ZFPM2: variants seen among roughly 807,000 people sequenced by gnomAD.
The protein encoded by ZFPM2 is zinc finger protein, FOG family member 2.
A neutral mutation model predicts 98.6 loss-of-function variants in ZFPM2; 20 were observed. The observed-to-expected ratio is 0.20, with a 90% CI of 0.14 to 0.29. ZFPM2 has a LOEUF of 0.29. Ranked by LOEUF, ZFPM2 falls within the 10% of genes least tolerant of loss-of-function variation. The probability of loss-of-function intolerance (pLI) is 1.00; values close to 1 mark genes in which losing one functional copy is unlikely to be tolerated. For missense variants in ZFPM2, 1,310 were observed against 1,388.6 expected (o/e 0.94, Z 0.90); for synonymous variants, 518 against 502.7 (o/e 1.03, Z -0.41).
In ZFPM2 at chr8:105,716,742, A is replaced by C. The variant is rs373384845; in HGVS notation, c.533-71976A>C. 3.9e-5 allele frequency among the ~76,000 whole-genome samples: 6 copies of C among 152,030 alleles called. No individual in the cohort carries two copies. In the South Asian group the frequency reaches 8.3e-4, roughly 21 times the overall value. ...GCTTTTTCATGAGTCTAAAAGAATC[A>C]GAGTGATTTCCCAAGGCCTGCAACC... On this transcript the variant is annotated intron_variant, in intron 5 of 7. Transcript: ENST00000407775.
At chr8:105,797,098 A>AATT in intron 6 of ZFPM2, 1 of 152,296 alleles carries the variant, frequency 6.6e-6, no homozygotes, top group African/African-American at 2.4e-5. Flanking sequence ...TCCTCAGCAT[A>AATT]ATTCTTCCTC....
intron 1 of ZFPM2, among the ~76,000 whole-genome samples, chr8:105,346,711 C>G (rs1441885389): frequency 1.3e-5 from 2 of 152,114 alleles, no homozygotes. Context: ...ATAATTAGTT[C>G]CATTTTGGAG....
intron 4 of ZFPM2, among the ~76,000 whole-genome samples, chr8:105,605,797 C>A (rs1586144943): frequency 6.6e-6 from 1 of 152,182 alleles, no homozygotes; most frequent in Admixed American, 6.6e-5. Flanking sequence ...CATTTTCAAA[C>A]CTATACTAAT....
At chr8:105,390,323 A>G (rs1399302827) in intron 1 of ZFPM2, among the ~76,000 whole-genome samples, 1 of 152,210 alleles carries the variant, frequency 6.6e-6, no homozygotes, top group Non-Finnish European at 1.5e-5. Context: ...TACTTATGAC[A>G]GTACTTTTAT....
chr8:105,703,930 A>G (rs1451193742), intron 5 of ZFPM2, among the ~76,000 whole-genome samples: 5 of 152,082 alleles, frequency 3.3e-5, no homozygotes, highest in East Asian at 3.9e-4. Flanking sequence ...CCTTTTCTTC[A>G]TGTTTGACTG....
At chr8:105,695,808 CTTAG>C (rs148995785) in intron 5 of ZFPM2, among the ~76,000 whole-genome samples, 4,403 of 152,070 alleles carry the variant, frequency 0.029, 195 homozygotes, top group African/African-American at 0.095. Flanking sequence ...CTACATTGGA[CTTAG>C]TTAATTTTTC....
In ZFPM2 at chr8:105,678,223, G is replaced by T. The variant is rs551442614; in HGVS notation, c.532+43866G>T. Reference sequence around the variant, plus strand: ...TAGGCTTCTGTTGTGCATTTTGTCAGCCCTCTCTTTGCTTTTCCAGATTTT... The same window carrying T: ...TAGGCTTCTGTTGTGCATTTTGTCATCCCTCTCTTTGCTTTTCCAGATTTT... On this transcript the variant is annotated intron_variant, in intron 5 of 7. Coordinates refer to ENST00000407775, the MANE Select transcript of ZFPM2 (RefSeq NM_012082.4). Among the ~76,000 whole-genome samples the T allele has an allele frequency of 2.0e-5, 3 of 152,112 alleles. No homozygotes were observed. In the South Asian group the frequency reaches 6.2e-4, roughly 32 times the overall value.
chr8:105,438,054 T>C (rs187354597), intron 2 of ZFPM2, among the ~76,000 whole-genome samples: 112 of 152,126 alleles, frequency 7.4e-4, no homozygotes, highest in African/African-American at 2.6e-3. Flanking sequence ...AAAAAAATAG[T>C]AATAATAAAA....
At chr8:105,412,417 G>A (rs1165138897) in intron 1 of ZFPM2, among the ~76,000 whole-genome samples, 3 of 151,702 alleles carry the variant, frequency 2.0e-5, no homozygotes, top group African/African-American at 7.3e-5. Context: ...AAGAGGTACA[G>A]CTATGAGCAA....
intron 5 of ZFPM2, among the ~76,000 whole-genome samples, chr8:105,699,519 T>G (rs756984732): frequency 5.9e-5 from 9 of 152,156 alleles, no homozygotes; most frequent in Non-Finnish European, 1.2e-4. Context: ...GAATTTCTTT[T>G]TCTTAATGAT....
chr8:105,598,025 T>C (rs1816006994), intron 4 of ZFPM2, among the ~76,000 whole-genome samples: 1 of 150,878 alleles, frequency 6.6e-6, no homozygotes, highest in African/African-American at 2.4e-5. Context: ...AGTACCTCTC[T>C]AGACTGTTAT....
At chr8:105,361,960 C>T (rs1276513238) in intron 1 of ZFPM2, among the ~76,000 whole-genome samples, 1 of 152,026 alleles carries the variant, frequency 6.6e-6, no homozygotes, top group Non-Finnish European at 1.5e-5. Context: ...TAACATGCAG[C>T]CTGGGCAGGT....
At chr8:105,545,564 A>C (rs2130639795) in intron 3 of ZFPM2, among the ~76,000 whole-genome samples, 1 of 152,318 alleles carries the variant, frequency 6.6e-6, no homozygotes, top group Admixed American at 6.5e-5. Flanking sequence ...AGATTGTGCT[A>C]ATTAATAAAG....
chr8:105,701,696 T>C (rs1294169926), intron 5 of ZFPM2, among the ~76,000 whole-genome samples: 2 of 152,214 alleles, frequency 1.3e-5, no homozygotes, highest in Non-Finnish European at 2.9e-5. Context: ...GTTCATTCCT[T>C]AGGGATTTGT....
At chr8:105,376,670 C>A (rs963691387) in intron 1 of ZFPM2, among the ~76,000 whole-genome samples, 4 of 152,168 alleles carry the variant, frequency 2.6e-5, no homozygotes, top group African/African-American at 9.7e-5. Context: ...AGCATTTATT[C>A]TGGCTTTTGC....
intron 1 of ZFPM2, among the ~76,000 whole-genome samples, chr8:105,390,979 G>C (rs1034844399): frequency 6.6e-6 from 1 of 152,108 alleles, no homozygotes; most frequent in African/African-American, 2.4e-5. Context: ...GCATATCTAG[G>C]GTTTAGAAGA....
intron 3 of ZFPM2, among the ~76,000 whole-genome samples, chr8:105,516,897 C>T (rs759026422): frequency 6.6e-6 from 1 of 152,172 alleles, no homozygotes; most frequent in Non-Finnish European, 1.5e-5. Flanking sequence ...TGAGGTCCCA[C>T]AATTAGCCAG....
chr8:105,791,403 C>T lies in ZFPM2; in HGVS notation c.739+2479C>T, dbSNP rs942552046. 2.6e-3 allele frequency among the ~76,000 whole-genome samples: 393 copies of T among 152,198 alleles called. 1 individual carries two copies. Among genetic ancestry groups the T allele is most frequent in the African/African-American group, 9.1e-3 (376 of 41,508 alleles). On this transcript the variant is annotated intron_variant, in intron 6 of 7. Transcript: ENST00000407775. ...ATGCTGGATTACATTTACTGATTTG[C>T]GTATATTGAACCAGCCTTGCATCCC...
rs1467521354 is a variant in ZFPM2 at position 105,802,688 on chromosome 8, A to C, written c.2606A>C (p.Tyr869Ser). The C allele has an allele frequency of 1.9e-6, 3 of 1,611,334 alleles. No homozygotes were observed. Among genetic ancestry groups the C allele is most frequent in the Non-Finnish European group, 2.5e-6 (3 of 1,178,798 alleles). The change falls in exon 8 of 8, where the codon TAT (tyrosine) becomes TCT (serine). Residue 869 changes from tyrosine to serine, a missense_variant. Physicochemically the swap from Tyr to Ser is moderately radical, Grantham distance 144. Transcript: ENST00000407775. ...ATCAGTTTCAATAAGGTAGAAAACT[A>C]TCTGGCCCACAAGCAGAATTTCTGC... ...CKISFNKVEN[Y>S]LAHKQNFCPV...
Sources: allele counts gnomAD v4.1 joint callset (sites outside exome capture counted in the v4.1 genomes callset), GRCh38; gene constraint gnomAD v4.1.1; transcripts MANE v1.5; gene names NCBI Gene and HGNC (gene_info 2026-07-23, HGNC 2026-07-21).